KCNQ5: variants seen among roughly 807,000 people sequenced by gnomAD.
KCNQ5 encodes the protein potassium voltage-gated channel subfamily KQT member 5.
KCNQ5 carries 30 observed loss-of-function variants against 98.2 expected under a neutral mutation model. The ratio of observed to expected loss-of-function variants is 0.31; its 90% CI spans 0.23 to 0.41. The LOEUF is 0.41. Ranked by LOEUF, KCNQ5 falls within the 10% of genes least tolerant of loss-of-function variation. KCNQ5 has a pLI of 1.00. For missense variants in KCNQ5, 835 were observed against 1,182.5 expected, an observed-to-expected ratio of 0.71 and a Z score of 4.31; for synonymous variants, 458 against 449.4, an observed-to-expected ratio of 1.02 and a Z score of -0.24.
In KCNQ5 at chr6:73,105,315, TGCTTTCTGCAG is replaced by T; in HGVS notation, c.983_993del (p.Ser328CysfsTer33). ...ACTCCCCTAACTTGGCTGGGAAGAT[TGCTTTCTGCAG>T]GCTTTGCACTCCTTGGCATTTCTTT... On this transcript the variant is annotated frameshift_variant, in exon 6 of 14. Transcript: ENST00000370398. LOFTEE classifies it high-confidence loss of function. 1 of 1,613,268 alleles carries T rather than the reference TGCTTTCTGCAG, an allele frequency of 6.2e-7. No individual in the cohort carries two copies. Among genetic ancestry groups the T allele is most frequent in the Non-Finnish European group, 8.5e-7 (1 of 1,179,506 alleles).
At chr6:72,765,760 G>A (rs1227788160) in intron 1 of KCNQ5, among the ~76,000 whole-genome samples, 2 of 151,992 alleles carry the variant, frequency 1.3e-5, no homozygotes, top group Non-Finnish European at 2.9e-5. Context: ...TTAGGCAGAA[G>A]AATGACTTGA....
intron 1 of KCNQ5, among the ~76,000 whole-genome samples, chr6:72,653,624 G>T (rs972542775): frequency 6.6e-6 from 1 of 151,880 alleles, no homozygotes; most frequent in African/African-American, 2.4e-5. Context: ...ATGTTATTTT[G>T]TCAGTCCAAA....
chr6:72,976,284 G>A (rs1768157338), intron 1 of KCNQ5, among the ~76,000 whole-genome samples: 1 of 152,118 alleles, frequency 6.6e-6, no homozygotes, highest in African/African-American at 2.4e-5. Flanking sequence ...CCTTTTTACG[G>A]AAAAATGATT....
chr6:73,056,421 G>T (rs1358764628), intron 3 of KCNQ5, among the ~76,000 whole-genome samples: 1 of 152,010 alleles, frequency 6.6e-6, no homozygotes, highest in Non-Finnish European at 1.5e-5. Flanking sequence ...AAAGTATAGT[G>T]TATATAAATA....
intron 1 of KCNQ5, among the ~76,000 whole-genome samples, chr6:72,751,516 T>C (rs1470044612): frequency 6.6e-6 from 1 of 152,022 alleles, no homozygotes; most frequent in Non-Finnish European, 1.5e-5. Context: ...ACATTTACAA[T>C]ACAAAAATCA....
chr6:73,054,678 C>A (rs1772387250), intron 3 of KCNQ5, among the ~76,000 whole-genome samples: 2 of 152,170 alleles, frequency 1.3e-5, no homozygotes, highest in South Asian at 4.1e-4. Context: ...AAACTAGGCA[C>A]TGAAGGAACA....
At chr6:72,638,585 A>G (rs188428500) in intron 1 of KCNQ5, among the ~76,000 whole-genome samples, 4 of 152,266 alleles carry the variant, frequency 2.6e-5, no homozygotes, top group African/African-American at 9.6e-5. Context: ...TAAAATTGTC[A>G]TCATGAAGGA....
chr6:73,167,681 C>T (rs2350388), intron 10 of KCNQ5, among the ~76,000 whole-genome samples: 92,642 of 152,090 alleles, frequency 0.61, 28,969 homozygotes, highest in African/African-American at 0.74. Flanking sequence ...CTATAAAAAA[C>T]GCCTGAGACT....
At chr6:72,957,174 T>TC (rs1305701787) in intron 1 of KCNQ5, among the ~76,000 whole-genome samples, 2 of 150,298 alleles carry the variant, frequency 1.3e-5, no homozygotes, top group Non-Finnish European at 3.0e-5. Context: ...AGGAAGCTTT[T>TC]TTTTTTTTTT....
chr6:73,044,722 C>T (rs560411121), intron 3 of KCNQ5, among the ~76,000 whole-genome samples: 76 of 152,236 alleles, frequency 5.0e-4, no homozygotes, highest in African/African-American at 1.7e-3. Flanking sequence ...ACACTGTAGT[C>T]GCCTTGTTCA....
chr6:72,959,097 A>AT (rs1182136660), intron 1 of KCNQ5, among the ~76,000 whole-genome samples: 1 of 152,216 alleles, frequency 6.6e-6, no homozygotes, highest in Non-Finnish European at 1.5e-5. Context: ...TAAATCAGAT[A>AT]TTTTTGCAGG....
rs543547849 is a variant in KCNQ5 at position 72,830,570 on chromosome 6, T to C, written c.399-173338T>C. ...AACTGGATCCCTTCCTTACACCTTA[T>C]ACAAAAATTAATTCAAGATGGATTA... On this transcript the variant is annotated intron_variant, in intron 1 of 13. Coordinates refer to ENST00000370398, the MANE Select transcript of KCNQ5 (RefSeq NM_019842.4). 1.5e-3 allele frequency among the ~76,000 whole-genome samples: 225 copies of C among 152,204 alleles called. 1 individual carries two copies. Among genetic ancestry groups the C allele is most frequent in the African/African-American group, 5.3e-3 (218 of 41,520 alleles).
chr6:72,849,136 ACACACACATAT>A (rs1208027073), intron 1 of KCNQ5, among the ~76,000 whole-genome samples: 3 of 152,084 alleles, frequency 2.0e-5, no homozygotes, highest in African/African-American at 7.2e-5. Flanking sequence ...ACACACACAC[ACACACACATAT>A]GCACACGCAC....
At chr6:72,746,404 A>G (rs75799800) in intron 1 of KCNQ5, among the ~76,000 whole-genome samples, 265 of 152,230 alleles carry the variant, frequency 1.7e-3, no homozygotes, top group Non-Finnish European at 2.6e-3. Flanking sequence ...CAACTTGTTA[A>G]ACTTTTACTT....
In KCNQ5 at chr6:72,891,383, G is replaced by C. The variant is rs9446783; in HGVS notation, c.399-112525G>C. Among the ~76,000 whole-genome samples, 706 of 152,216 alleles carry C rather than the reference G, an allele frequency of 4.6e-3. 5 individuals carry two copies. The highest frequency in any genetic ancestry group is 0.016 in the African/African-American group (680 of 41,534). Reference sequence around the variant, plus strand: ...AACATACTCAAAAAGTGTCAATTCAGATATTCTAGAGAATTATCAATATAT... The same window carrying C: ...AACATACTCAAAAAGTGTCAATTCACATATTCTAGAGAATTATCAATATAT... On this transcript the variant is annotated intron_variant, in intron 1 of 13. Coordinates refer to ENST00000370398, the MANE Select transcript of KCNQ5 (RefSeq NM_019842.4).
At chr6:72,999,984 T>A (rs1159991907) in intron 1 of KCNQ5, among the ~76,000 whole-genome samples, 1 of 152,068 alleles carries the variant, frequency 6.6e-6, no homozygotes, top group African/African-American at 2.4e-5. Flanking sequence ...CCCTCTATGT[T>A]CACTACCCCC....
chr6:72,748,005 G>A (rs959280342), intron 1 of KCNQ5, among the ~76,000 whole-genome samples: 2 of 152,070 alleles, frequency 1.3e-5, no homozygotes, highest in African/African-American at 4.8e-5. Flanking sequence ...AAAATCTTCA[G>A]TCTTTTTCGT....
intron 1 of KCNQ5, among the ~76,000 whole-genome samples, chr6:72,742,706 A>T (rs1416185279): frequency 6.6e-6 from 1 of 152,244 alleles, no homozygotes; most frequent in African/African-American, 2.4e-5. Context: ...ATGGACAGGT[A>T]AGATGAGTTT....
chr6:72,719,742 A>G (rs1211676845), intron 1 of KCNQ5, among the ~76,000 whole-genome samples: 1 of 151,464 alleles, frequency 6.6e-6, no homozygotes, highest in Non-Finnish European at 1.5e-5. Context: ...TTCTCAAACA[A>G]CTCCTCAGGG....
Sources: gnomAD v4.1 joint callset for allele counts (sites outside exome capture counted in the v4.1 genomes callset) on GRCh38, gnomAD v4.1.1 for gene constraint, MANE v1.5 for transcripts, NCBI Gene and HGNC (gene_info 2026-07-23, HGNC 2026-07-21) for gene names.